The following OXR1 variants were observed in gnomAD, a reference collection of about 807,000 sequenced individuals.
The protein encoded by OXR1 is oxidation resistance 1.
A neutral mutation model predicts 104.6 loss-of-function variants in OXR1; 41 were observed. The ratio of observed to expected loss-of-function variants is 0.39; its 90% CI spans 0.31 to 0.51. The LOEUF (loss-of-function observed/expected upper bound fraction) is 0.51. Ranked by LOEUF, OXR1 falls within the 20% of genes least tolerant of loss-of-function variation. The pLI, the probability that OXR1 is intolerant of heterozygous loss-of-function variation, is 0.77. For missense variants in OXR1, 955 were observed against 1,031.9 expected (o/e 0.93, Z 1.02); for synonymous variants, 348 against 348.4 (o/e 1.00, Z 0.01).
At chr8:106,472,060 T>C (rs762443096) in intron 2 of OXR1, among the ~76,000 whole-genome samples, 46 of 151,802 alleles carry the variant, frequency 3.0e-4, no homozygotes, top group Non-Finnish European at 5.7e-4. Flanking sequence ...ATCAGTTTGT[T>C]GTTATGTCTC....
At chr8:106,455,878 A>G (rs994079249) in intron 2 of OXR1, among the ~76,000 whole-genome samples, 1 of 152,224 alleles carries the variant, frequency 6.6e-6, no homozygotes, top group Non-Finnish European at 1.5e-5. Flanking sequence ...CCAAATTCCA[A>G]TAGAGCTCTT....
intron 13 of OXR1, 150 bp downstream of exon 13, chr8:106,739,733 C>G: frequency 1.5e-6 from 1 of 665,294 alleles, no homozygotes; most frequent in Non-Finnish European, 2.5e-6. Context: ...AACATAGCAA[C>G]TAGTGTTAAT....
intron 1 of OXR1, among the ~76,000 whole-genome samples, chr8:106,281,073 C>A (rs1193081954): frequency 1.3e-5 from 2 of 152,072 alleles, no homozygotes; most frequent in African/African-American, 4.8e-5. Context: ...AAAAGCCTTA[C>A]ACAACTAGGG....
Position 106,471,454 on chromosome 8 carries a change from T to C in OXR1, c.24-47489T>C, listed in dbSNP as rs181692384. ...GGTTGTACTCTGACCTCAGTGTACC[T>C]TACTGGCTTCATTTCCTTCAGTTCT... On this transcript the variant is annotated intron_variant, in intron 2 of 16. Coordinates refer to ENST00000517566, the MANE Select transcript of OXR1 (RefSeq NM_001198533.2). Among the ~76,000 whole-genome samples, 7 of 151,884 alleles carry C rather than the reference T, an allele frequency of 4.6e-5. No homozygotes were observed. The East Asian group carries it at 1.4e-3, about 30-fold the overall frequency.
intron 3 of OXR1, among the ~76,000 whole-genome samples, chr8:106,575,190 T>C (rs1817737874): frequency 6.6e-6 from 1 of 152,178 alleles, no homozygotes; most frequent in African/African-American, 2.4e-5. Context: ...TTAATAATGC[T>C]ACTATCATCA....
Position 106,398,434 on chromosome 8 carries a change from C to G in OXR1, c.23+38798C>G, listed in dbSNP as rs542311912. 2.7e-4 allele frequency among the ~76,000 whole-genome samples: 41 copies of G among 152,158 alleles called. No homozygotes were observed. The East Asian group carries it at 3.7e-3, about 14-fold the overall frequency. On this transcript the variant is annotated intron_variant, in intron 2 of 16. Transcript: ENST00000517566. ...GGATTGAGAGCTGCTGCTGCAAGCC[C>G]CATGCACTCAAGGAGAAAGAACGAG...
intron 1 of OXR1, among the ~76,000 whole-genome samples, chr8:106,295,959 A>G (rs1812978079): frequency 6.7e-6 from 1 of 150,032 alleles, no homozygotes; most frequent in Non-Finnish European, 1.5e-5. Context: ...CAGAGCCTGG[A>G]AAGTCTTCTA....
At chr8:106,329,568 C>G (rs1196620409) in intron 1 of OXR1, among the ~76,000 whole-genome samples, 1 of 151,992 alleles carries the variant, frequency 6.6e-6, no homozygotes, top group African/African-American at 2.4e-5. Context: ...CGGATGGTCT[C>G]GATCTCCTGA....
At chr8:106,655,759 G>A (rs1238982833) in intron 3 of OXR1, among the ~76,000 whole-genome samples, 1 of 152,158 alleles carries the variant, frequency 6.6e-6, no homozygotes, top group Non-Finnish European at 1.5e-5. Flanking sequence ...AAGGATTTTA[G>A]AGACATTACG....
chr8:106,286,089 G>T (rs114433443), intron 1 of OXR1, among the ~76,000 whole-genome samples: 1 of 152,128 alleles, frequency 6.6e-6, no homozygotes, highest in Non-Finnish European at 1.5e-5. Flanking sequence ...TTGGTAAAAT[G>T]ATGACCTTAT....
intron 2 of OXR1, among the ~76,000 whole-genome samples, chr8:106,468,886 G>A (rs1447477620): frequency 6.6e-6 from 1 of 151,688 alleles, no homozygotes; most frequent in East Asian, 1.9e-4. Flanking sequence ...TTATCGTAAG[G>A]AAGATAGCTC....
intron 2 of OXR1, among the ~76,000 whole-genome samples, chr8:106,405,182 A>G (rs1336040297): frequency 0.014 from 223 of 15,792 alleles, 4 homozygotes; most frequent in South Asian, 0.062. Flanking sequence ...ATATATATAT[A>G]TATATATATA....
At chr8:106,642,749 T>A (rs1275763566) in intron 3 of OXR1, among the ~76,000 whole-genome samples, 1 of 152,330 alleles carries the variant, frequency 6.6e-6, no homozygotes, top group Middle Eastern at 3.4e-3. Context: ...CAGAAAACTG[T>A]AGTTAGGCGA....
chr8:106,302,405 AC>A (rs1457461696), intron 1 of OXR1, among the ~76,000 whole-genome samples: 1 of 151,964 alleles, frequency 6.6e-6, no homozygotes, highest in Non-Finnish European at 1.5e-5. Context: ...ACACGGTGAA[AC>A]CCCGTCTCTA....
chr8:106,531,824 G>A (rs973489181), intron 3 of OXR1, among the ~76,000 whole-genome samples: 2 of 152,130 alleles, frequency 1.3e-5, no homozygotes, highest in African/African-American at 4.8e-5. Context: ...CTCTCAAGTT[G>A]CAGATCTTTT....
chr8:106,309,015 G>C (rs188479450), intron 1 of OXR1, among the ~76,000 whole-genome samples: 3 of 150,124 alleles, frequency 2.0e-5, no homozygotes, highest in African/African-American at 4.9e-5. Context: ...GTCTTGCTCT[G>C]TCATACAGGC....
At chr8:106,298,834 A>C (rs1402170464) in intron 1 of OXR1, among the ~76,000 whole-genome samples, 2 of 152,212 alleles carry the variant, frequency 1.3e-5, no homozygotes, top group Admixed American at 1.3e-4. Context: ...TAAAACCTTT[A>C]CTAATCTGTC....
chr8:106,705,299 T>A (rs1045172107), intron 8 of OXR1, among the ~76,000 whole-genome samples: 2 of 152,168 alleles, frequency 1.3e-5, no homozygotes, highest in Non-Finnish European at 2.9e-5. Flanking sequence ...TCTTGTTTTT[T>A]TAAGATGAAT....
chr8:106,375,935 G>A (rs1563743908), intron 2 of OXR1, among the ~76,000 whole-genome samples: 1 of 152,106 alleles, frequency 6.6e-6, no homozygotes, highest in African/African-American at 2.4e-5. Context: ...CTGCAACCTC[G>A]AACTCCTGGG....
Sources: gnomAD v4.1 joint callset for allele counts (sites outside exome capture counted in the v4.1 genomes callset) on GRCh38, gnomAD v4.1.1 for gene constraint, MANE v1.5 for transcripts, NCBI Gene and HGNC (gene_info 2026-07-23, HGNC 2026-07-21) for gene names.